Variants in ZBTB49 observed in about 807,000 individuals in gnomAD.
ZBTB49 encodes the protein zinc finger and BTB domain containing 49.
ZBTB49 carries 43 observed loss-of-function variants against 57.5 expected under a neutral mutation model. The observed-to-expected ratio is 0.75, with a 90% CI of 0.59 to 0.97. The LOEUF (loss-of-function observed/expected upper bound fraction) is 0.97, where lower values mean the gene tolerates loss of function less well. ZBTB49 is among the 50% of genes least tolerant of loss of function. The pLI, the probability that ZBTB49 is intolerant of heterozygous loss-of-function variation, is 0.00. For missense variants in ZBTB49, 938 were observed against 947.7 expected (o/e 0.99, Z 0.13); for synonymous variants, 369 against 362.1 (o/e 1.02, Z -0.22).
chr4:4,294,399 C>A (rs868314040), intron 1 of ZBTB49, among the ~76,000 whole-genome samples: 145 of 152,222 alleles, frequency 9.5e-4, no homozygotes, highest in African/African-American at 3.3e-3. Context: ...TTCTGTTGCC[C>A]AGGCTGGAGT....
chr4:4,294,701 C>G (rs78335368), intron 1 of ZBTB49, among the ~76,000 whole-genome samples: 10,426 of 152,164 alleles, frequency 0.069, 912 homozygotes, highest in East Asian at 0.32. Flanking sequence ...TAATAACTGC[C>G]TAGCATCATA....
intron 7 of ZBTB49, 136 bp downstream of exon 7, chr4:4,316,106 C>T (rs896414245): frequency 3.4e-6 from 4 of 1,160,488 alleles, no homozygotes; most frequent in Non-Finnish European, 4.8e-6. Context: ...CACATGATCT[C>T]TCATTCATTC....
At chr4:4,293,990 A>C (rs916678133) in intron 1 of ZBTB49, among the ~76,000 whole-genome samples, 1 of 152,240 alleles carries the variant, frequency 6.6e-6, no homozygotes, top group Non-Finnish European at 1.5e-5. Flanking sequence ...ATTTGTGGCC[A>C]TCTTAAATCT....
intron 4 of ZBTB49, among the ~76,000 whole-genome samples, chr4:4,311,686 A>C (rs1005751285): frequency 6.6e-6 from 1 of 152,212 alleles, no homozygotes; most frequent in East Asian, 1.9e-4. Context: ...TAGGTGGTAA[A>C]GGCCTAATTT....
intron 4 of ZBTB49, among the ~76,000 whole-genome samples, chr4:4,307,702 C>G (rs1720801001): frequency 6.6e-6 from 1 of 152,078 alleles, no homozygotes; most frequent in South Asian, 2.1e-4. Flanking sequence ...CCGTTTTCAT[C>G]TCAGCAGCTG....
At chr4:4,307,971 A>T (rs1358653419) in intron 4 of ZBTB49, among the ~76,000 whole-genome samples, 1 of 152,222 alleles carries the variant, frequency 6.6e-6, no homozygotes, top group African/African-American at 2.4e-5. Flanking sequence ...ACATTCAGTC[A>T]GGCTGCAGTC....
chr4:4,306,085 A>G (rs1325256008), intron 3 of ZBTB49, 53 bp from the exon 4 acceptor site: 1 of 1,556,342 alleles, frequency 6.4e-7, no homozygotes, highest in East Asian at 2.2e-5. Context: ...ACAAAAAATT[A>G]TTGAACAAAT....
intron 3 of ZBTB49, among the ~76,000 whole-genome samples, chr4:4,305,292 C>T (rs1450346833): frequency 1.3e-5 from 2 of 151,932 alleles, no homozygotes; most frequent in Non-Finnish European, 2.9e-5. Flanking sequence ...CAAGCCCCAA[C>T]GATATAGTAG....
At chr4:4,303,752 C>CTT (rs1383765946) in intron 3 of ZBTB49, among the ~76,000 whole-genome samples, 4 of 77,600 alleles carry the variant, frequency 5.2e-5, no homozygotes, top group African/African-American at 2.0e-4. Flanking sequence ...CTCTCTCTCT[C>CTT]TCTCTCTCTG....
Position 4,302,360 on chromosome 4 carries a change from C to T in ZBTB49, c.524C>T (p.Pro175Leu), listed in dbSNP as rs771839726. The T allele has an allele frequency of 5.0e-6, 8 of 1,614,058 alleles. No individual in the cohort carries two copies. In the Admixed American group the frequency reaches 8.3e-5, roughly 17 times the overall value. Residue 175 changes from proline to leucine, a missense_variant, in exon 3 of 8, where the codon CCG becomes CTG. Physicochemically the swap from Pro to Leu is moderately conservative, Grantham distance 98 (BLOSUM62 -3). Coordinates refer to ENST00000337872, the MANE Select transcript of ZBTB49 (RefSeq NM_145291.4). ...AACAAAACGTTGGATGAATCGCATC[C>T]GCATGCTTCACCATCAGTTAATCGT... ...QQNKTLDESH[P>L]HASPSVNRHH... is the part of the protein sequence containing the mutation.
rs908435205 is a variant in ZBTB49, at chr4:4,302,906, A to G, written c.1070A>G (p.Glu357Gly). ...AGCAGCCAAAGTGCTGAAGAAAAAG[A>G]AAGTGAAGAAGTCGTCAGTTGTGAG... is the stretch of plus-strand genomic sequence containing the variant. ...KASSQSAEEKESEEVVSCENF... is the reference protein window; with the variant it reads ...KASSQSAEEKGSEEVVSCENF... Residue 357 changes from glutamate to glycine, a missense_variant, in exon 3 of 8, where the codon GAA becomes GGA. This residue lies in a region of ZBTB49 where 835 missense variants were observed against 819.1 expected (regional missense o/e 1.02). Coordinates refer to ENST00000337872, the MANE Select transcript of ZBTB49 (RefSeq NM_145291.4). The G allele has an allele frequency of 2.5e-6, 4 of 1,614,234 alleles. No individual in the cohort carries two copies. Among genetic ancestry groups the G allele is most frequent in the Non-Finnish European group, 2.5e-6 (3 of 1,180,034 alleles).
At chr4:4,308,294 G>T (rs982391912) in intron 4 of ZBTB49, among the ~76,000 whole-genome samples, 2 of 152,136 alleles carry the variant, frequency 1.3e-5, no homozygotes, top group East Asian at 1.9e-4. Flanking sequence ...GGCCAGGATG[G>T]TCTCAAACTC....
Position 4,321,439 on chromosome 4 carries a change from C to T in ZBTB49, c.*123C>T. 9.7e-7 allele frequency: 1 copy of T among 1,028,348 alleles called. No individual in the cohort carries two copies. The allele number at this position is 1,028,348 out of a possible 1,614,324, so 63.7% of individuals were successfully genotyped here. A position where few individuals can be genotyped will look rare whatever the true frequency, so the allele number is the denominator to read the frequency against. The stretch of plus-strand genomic sequence containing the variant: ...ACTAGCCAGAGAATAGGTAGCTTCC[C>T]TCCTGATGATGGCTCATAATCTGAA... On this transcript the variant is annotated 3_prime_UTR_variant, in exon 8 of 8. Transcript: ENST00000337872.
rs764491221 is a variant in ZBTB49 at position 4,302,409 on chromosome 4, A to G, written c.573A>G (p.Ser191=). The change falls in exon 3 of 8, where the codon TCA becomes TCG. Residue 191 remains serine, a synonymous_variant. Coordinates refer to ENST00000337872, the MANE Select transcript of ZBTB49 (RefSeq NM_145291.4). ...VNRHHSAGEI[S]KQAPDTSDGS... is the part of the protein sequence containing the mutation. The stretch of plus-strand genomic sequence containing the variant: ...GTCATCACTCCGCAGGTGAAATCTC[A>G]AAACAAGCTCCTGATACTTCAGATG... The G allele has an allele frequency of 3.0e-5, 49 of 1,613,984 alleles. No homozygotes were observed. Among genetic ancestry groups the G allele is most frequent in the Non-Finnish European group, 4.2e-5 (49 of 1,179,932 alleles).
intron 1 of ZBTB49, among the ~76,000 whole-genome samples, chr4:4,298,093 G>C (rs996052917): frequency 2.0e-5 from 3 of 152,178 alleles, no homozygotes; most frequent in African/African-American, 7.2e-5. Context: ...TAGTCTAAAT[G>C]TTTACACAGG....
chr4:4,320,892 T>C lies in ZBTB49; in HGVS notation c.1874T>C (p.Leu625Pro). 1 of 1,614,240 alleles carries C rather than the reference T, an allele frequency of 6.2e-7. No individual in the cohort carries two copies. The highest frequency in any genetic ancestry group is 8.5e-7 in the Non-Finnish European group (1 of 1,180,046). ...TTCTCCCAAGACACGTCTGTGACGC[T>C]GATGCCAGTGTCGGTTAAACTCCCT... ...DSFSQDTSVT[L>P]MPVSVKLPVH... Residue 625 changes from leucine to proline, a missense_variant, in exon 8 of 8, where the codon CTG becomes CCG. Physicochemically the swap from Leu to Pro is moderately conservative, Grantham distance 98. This residue lies in a region of ZBTB49 where 835 missense variants were observed against 819.1 expected (regional missense o/e 1.02). Coordinates refer to ENST00000337872, the MANE Select transcript of ZBTB49 (RefSeq NM_145291.4).
chr4:4,302,148 G>A lies in ZBTB49; in HGVS notation c.312G>A (p.Leu104=). 2 of 1,614,210 alleles carry A rather than the reference G, an allele frequency of 1.2e-6. No homozygotes were observed. Among genetic ancestry groups the A allele is most frequent in the Non-Finnish European group, 1.7e-6 (2 of 1,180,038 alleles). Residue 104 remains leucine (L), a synonymous_variant, in exon 3 of 8, where the codon TTG becomes TTA. Coordinates refer to ENST00000337872, the MANE Select transcript of ZBTB49 (RefSeq NM_145291.4). ...IQVMLDTAQC[L]QVQNVLSLCH... ...TAATGCTGGACACAGCACAGTGTTT[G>A]CAAGTTCAAAATGTTCTGAGTCTGT...
chr4:4,312,733 C>A (rs76286006), intron 4 of ZBTB49, among the ~76,000 whole-genome samples: 1 of 152,300 alleles, frequency 6.6e-6, no homozygotes, highest in Non-Finnish European at 1.5e-5. Context: ...TTGGCGACCA[C>A]CAAAGCAGCC....
At chr4:4,292,164 C>T (rs1719972385) in intron 1 of ZBTB49, among the ~76,000 whole-genome samples, 1 of 152,126 alleles carries the variant, frequency 6.6e-6, no homozygotes, top group African/African-American at 2.4e-5. Context: ...GCCTGTAATC[C>T]CAGCTACTCG....
Sources: gnomAD v4.1 joint callset for allele counts (sites outside exome capture counted in the v4.1 genomes callset) on GRCh38, gnomAD v4.1.1 for gene constraint, gnomAD v4.1.1 regional missense constraint, MANE v1.5 for transcripts, NCBI Gene and HGNC (gene_info 2026-07-23, HGNC 2026-07-21) for gene names.